Variants in DYSF observed in about 807,000 individuals in gnomAD.
DYSF encodes dysferlin.
DYSF carries 212 observed loss-of-function variants against 274.9 expected under a neutral mutation model. The ratio of observed to expected loss-of-function variants is 0.77; its 90% confidence interval spans 0.69 to 0.86. The LOEUF (loss-of-function observed/expected upper bound fraction) is 0.86. Among genes scored for constraint, DYSF ranks in the 40% least tolerant of loss-of-function variants. The pLI, the probability that DYSF is intolerant of heterozygous loss-of-function variation, is 0.00. For synonymous variants in DYSF, 1,091 were observed against 1,078.7 expected, an observed-to-expected ratio of 1.01 and a Z score of -0.22; for missense variants, 2,666 against 2,783.2, an observed-to-expected ratio of 0.96 and a Z score of 0.95.
chr2:71,544,652 G>T (rs1348804072), intron 17 of DYSF, among the ~76,000 whole-genome samples: 1 of 151,958 alleles, frequency 6.6e-6, no homozygotes, highest in Non-Finnish European at 1.5e-5. Flanking sequence ...GTAGAGACGG[G>T]GTTTCACCAT....
At chr2:71,540,109 T>A (rs980604255) in intron 17 of DYSF, among the ~76,000 whole-genome samples, 1 of 150,108 alleles carries the variant, frequency 6.7e-6, no homozygotes, top group Admixed American at 6.6e-5. Flanking sequence ...TTCAACTTTT[T>A]TTTTCTTTTT....
At chr2:71,607,564 A>T (rs1402855787) in intron 36 of DYSF, among the ~76,000 whole-genome samples, 1 of 152,194 alleles carries the variant, frequency 6.6e-6, no homozygotes, top group Non-Finnish European at 1.5e-5. Flanking sequence ...GGCTGTTGGG[A>T]GAGGGTGTCA....
At chr2:71,653,123 C>T (rs1222962410) in intron 42 of DYSF, among the ~76,000 whole-genome samples, 1 of 152,122 alleles carries the variant, frequency 6.6e-6, no homozygotes, top group African/African-American at 2.4e-5. Context: ...CCATCTCACA[C>T]CAGTTAGAAT....
At chr2:71,610,256 T>C (rs1056018783) in intron 36 of DYSF, among the ~76,000 whole-genome samples, 1 of 152,248 alleles carries the variant, frequency 6.6e-6, no homozygotes, top group Admixed American at 6.5e-5. Context: ...CTAATAGTCC[T>C]GTTGAAGGTT....
intron 42 of DYSF, among the ~76,000 whole-genome samples, chr2:71,650,212 G>A (rs373223069): frequency 6.6e-6 from 1 of 152,182 alleles, no homozygotes; most frequent in South Asian, 2.1e-4. Context: ...CAAGTGTGGT[G>A]GCTCAAGCCT....
intron 3 of DYSF, among the ~76,000 whole-genome samples, chr2:71,490,839 C>T (rs773116591): frequency 6.6e-6 from 1 of 152,170 alleles, no homozygotes; most frequent in Non-Finnish European, 1.5e-5. Context: ...CCGTAATTTA[C>T]CCCACTGTAC....
chr2:71,661,712 G>A (rs983148374), intron 45 of DYSF, among the ~76,000 whole-genome samples: 1 of 152,188 alleles, frequency 6.6e-6, no homozygotes, highest in Non-Finnish European at 1.5e-5. Flanking sequence ...TATTTCTCTC[G>A]CACCTGCAGA....
intron 7 of DYSF, among the ~76,000 whole-genome samples, chr2:71,514,242 C>G (rs1241640999): frequency 6.6e-6 from 1 of 151,566 alleles, no homozygotes; most frequent in African/African-American, 2.4e-5. Flanking sequence ...CAGGGTATAT[C>G]CAACCAGCAA....
At position 71,669,159 on chromosome 2, in the gene DYSF, A is replaced by G. The variant is rs773950181; in HGVS notation, c.5594A>G (p.Asp1865Gly). ...IIWNTRDVIL[D>G]DLSLTGEKMS... ...TGGAATACCAGAGATGTGATCCTGG[A>G]TGACCTGAGCCTCACGGGGGAGAAG... The change falls in exon 50 of 56, where the codon GAT (aspartate) becomes GGT (glycine). Residue 1865 changes from aspartate to glycine, a missense_variant. Around this residue, in one of 3 missense-constraint regions of DYSF, gnomAD observed 1,460 missense variants for 1,502.1 expected, o/e 0.97. Coordinates refer to ENST00000410020, the MANE Select transcript of DYSF (RefSeq NM_001130987.2). 1.2e-6 allele frequency: 2 copies of G among 1,610,748 alleles called. No individual in the cohort carries two copies. Among genetic ancestry groups the G allele is most frequent in the Admixed American group, 1.7e-5 (1 of 59,556 alleles).
rs760837078 is a variant in DYSF at position 71,480,878 on chromosome 2, T to G, written c.92-5T>G. 6.2e-7 allele frequency: 1 copy of G among 1,613,458 alleles called. No homozygotes were observed. The highest frequency in any genetic ancestry group is 1.1e-5 in the South Asian group (1 of 91,068). ...TCTCCATTCTCCCTTTTGTGTCTCT[T>G]GTAGGGGTGAAGAAGAGAACCAAAG... On this transcript the variant is annotated splice_polypyrimidine_tract_variant and splice_region_variant and intron_variant, in intron 1 of 55. Transcript: ENST00000410020.
chr2:71,599,478 G>A (rs1030052400), intron 33 of DYSF, among the ~76,000 whole-genome samples: 1 of 152,240 alleles, frequency 6.6e-6, no homozygotes, highest in Non-Finnish European at 1.5e-5. Flanking sequence ...GGGAGAGAGT[G>A]CTATGGGCTG....
chr2:71,499,016 T>C (rs551204187), intron 3 of DYSF, among the ~76,000 whole-genome samples: 1 of 152,246 alleles, frequency 6.6e-6, no homozygotes. Flanking sequence ...TTTTTTACGT[T>C]GGTAAAAACT....
chr2:71,669,558 G>T (rs200787666), intron 50 of DYSF, 47 bp from the exon 51 acceptor site: 1 of 1,612,696 alleles, frequency 6.2e-7, no homozygotes, highest in African/African-American at 1.3e-5. Flanking sequence ...TATATACTGT[G>T]TTGGAAATCT....
At chr2:71,655,316 A>T (rs1030666566) in intron 42 of DYSF, among the ~76,000 whole-genome samples, 3 of 152,182 alleles carry the variant, frequency 2.0e-5, no homozygotes. Flanking sequence ...TGTCACTTGC[A>T]TAATTAAATA....
intron 41 of DYSF, among the ~76,000 whole-genome samples, chr2:71,641,077 A>G (rs545751894): frequency 4.0e-5 from 6 of 151,854 alleles, no homozygotes; most frequent in East Asian, 1.9e-4. Context: ...TCATAAACCT[A>G]TTGATATTTT....
intron 20 of DYSF, among the ~76,000 whole-genome samples, chr2:71,553,473 T>C (rs1414457439): frequency 6.6e-6 from 1 of 152,106 alleles, no homozygotes; most frequent in Non-Finnish European, 1.5e-5. Context: ...TTTTAGGGAG[T>C]GTGGCCTTGG....
intron 36 of DYSF, among the ~76,000 whole-genome samples, chr2:71,604,927 C>A (rs570306550): frequency 6.6e-5 from 10 of 152,220 alleles, no homozygotes; most frequent in African/African-American, 2.4e-4. Context: ...GGGCATGTCA[C>A]CTCCTGGATG....
intron 20 of DYSF, 55 bp from the exon 21 acceptor site, chr2:71,553,752 A>AAAACC: frequency 3.7e-5 from 10 of 267,798 alleles, no homozygotes; most frequent in Non-Finnish European, 5.3e-5. Flanking sequence ...TTAGCACCCC[A>AAAACC]TCCCACCCGC....
Position 71,569,915 on chromosome 2 carries a change from G to A in DYSF, c.2960G>A (p.Ser987Asn). The change falls in exon 27 of 56, where the codon AGT becomes AAT. Residue 987 changes from serine to asparagine, a missense_variant. Around this residue, in one of 3 missense-constraint regions of DYSF, gnomAD observed 1,460 missense variants for 1,502.1 expected, o/e 0.97. Coordinates refer to ENST00000410020, the MANE Select transcript of DYSF (RefSeq NM_001130987.2). ...RLPGGQWIYM[S>N]DNYTDVNGEK... ...CCCGGAGGCCAGTGGATCTACATGA[G>A]TGACAACTACACCGATGTGGTAAAG... The A allele has an allele frequency of 1.9e-6, 3 of 1,614,100 alleles. No individual in the cohort carries two copies. Among genetic ancestry groups the A allele is most frequent in the Non-Finnish European group, 2.5e-6 (3 of 1,180,016 alleles).
Sources: allele counts gnomAD v4.1 joint callset (sites outside exome capture counted in the v4.1 genomes callset), GRCh38; gene constraint gnomAD v4.1.1; regional missense constraint gnomAD v4.1.1; transcripts MANE v1.5; gene names NCBI Gene and HGNC (gene_info 2026-07-23, HGNC 2026-07-21).